Variants in ESR1 observed in about 807,000 individuals in gnomAD.
The protein encoded by ESR1 is estrogen receptor.
In ESR1, 12 loss-of-function variants were observed where a neutral mutation model predicts 52.7. The ratio of observed to expected loss-of-function variants is 0.23; its 90% CI spans 0.15 to 0.37. The LOEUF (loss-of-function observed/expected upper bound fraction) is 0.37, where lower values mean the gene tolerates loss of function less well. ESR1 is among the 10% of genes least tolerant of loss of function. The pLI, the probability that ESR1 is intolerant of heterozygous loss-of-function variation, is 1.00. For synonymous variants in ESR1, 305 were observed against 316.8 expected (o/e 0.96, Z 0.39); for missense variants, 584 against 779.7 (o/e 0.75, Z 2.99).
intron 1 of ESR1, among the ~76,000 whole-genome samples, chr6:151,696,473 A>AATAG (rs1324547954): frequency 8.1e-5 from 1 of 12,306 alleles, no homozygotes; most frequent in East Asian, 7.9e-4. Flanking sequence ...CTCCATCTCA[A>AATAG]ATAAATAAAT....
At chr6:151,666,304 A>G (rs1777820080) in intron 1 of ESR1, among the ~76,000 whole-genome samples, 1 of 152,170 alleles carries the variant, frequency 6.6e-6, no homozygotes, top group Non-Finnish European at 1.5e-5. Flanking sequence ...GTGGAGAGAG[A>G]GAGACACACG....
At chr6:151,827,141 T>C (rs142532457) in intron 1 of ESR1, among the ~76,000 whole-genome samples, 7,232 of 151,980 alleles carry the variant, frequency 0.048, 585 homozygotes, top group African/African-American at 0.16. Context: ...CTGGGCAACA[T>C]GGTGAGACCC....
At chr6:151,966,424 C>T (rs959925058) in intron 4 of ESR1, among the ~76,000 whole-genome samples, 3 of 152,004 alleles carry the variant, frequency 2.0e-5, no homozygotes, top group African/African-American at 7.2e-5. Context: ...TCATTTTATT[C>T]GGGCTCTGTG....
At chr6:152,055,478 GACT>G (rs1262158535) in intron 5 of ESR1, among the ~76,000 whole-genome samples, 2 of 152,170 alleles carry the variant, frequency 1.3e-5, no homozygotes, top group Non-Finnish European at 2.9e-5. Flanking sequence ...TTTGCCATAA[GACT>G]GAGTTACTTT....
At chr6:152,024,660 T>A (rs2043971792) in intron 5 of ESR1, among the ~76,000 whole-genome samples, 1 of 147,832 alleles carries the variant, frequency 6.8e-6, no homozygotes, top group Admixed American at 6.8e-5. Flanking sequence ...TATATAGATA[T>A]ATATGTATAT....
At chr6:151,781,087 C>G (rs1786500304) in intron 2 of ESR1, among the ~76,000 whole-genome samples, 2 of 151,992 alleles carry the variant, frequency 1.3e-5, no homozygotes, top group South Asian at 2.1e-4. Context: ...GTGGAAGAAC[C>G]CTTGAAGATT....
intron 4 of ESR1, among the ~76,000 whole-genome samples, chr6:151,947,777 C>T (rs1422398646): frequency 6.6e-6 from 1 of 152,064 alleles, no homozygotes; most frequent in Non-Finnish European, 1.5e-5. Context: ...TAAAGATGAC[C>T]TTAAGAAATG....
At chr6:151,802,378 A>G (rs1307054385), upstream of ESR1, among the ~76,000 whole-genome samples, 1 of 152,244 alleles carries the variant, frequency 6.6e-6, no homozygotes, top group Non-Finnish European at 1.5e-5. Context: ...GTTTGAACAC[A>G]GACAAACCTT....
At chr6:151,887,128 C>CT (rs1271375364) in intron 3 of ESR1, among the ~76,000 whole-genome samples, 2 of 151,234 alleles carry the variant, frequency 1.3e-5, no homozygotes, top group African/African-American at 2.4e-5. Context: ...ATGTGAATTA[C>CT]TTTTTTTGGA....
At chr6:151,934,187 G>T (rs2034071058) in intron 3 of ESR1, among the ~76,000 whole-genome samples, 1 of 152,110 alleles carries the variant, frequency 6.6e-6, no homozygotes. Context: ...GTCAGTATTT[G>T]TGTGTTGTTC....
At chr6:151,896,113 A>G (rs954807594) in intron 3 of ESR1, among the ~76,000 whole-genome samples, 2 of 152,122 alleles carry the variant, frequency 1.3e-5, no homozygotes, top group African/African-American at 2.4e-5. Flanking sequence ...TTTTGCATCT[A>G]TGTTCATTAG....
At chr6:152,081,165 A>T (rs149271020) in intron 6 of ESR1, among the ~76,000 whole-genome samples, 3,669 of 152,282 alleles carry the variant, frequency 0.024, 71 homozygotes, top group Non-Finnish European at 0.036. Context: ...TAATCAACAG[A>T]ATATACATTC....
At chr6:151,836,366 C>T (rs960483925) in intron 1 of ESR1, among the ~76,000 whole-genome samples, 4 of 152,092 alleles carry the variant, frequency 2.6e-5, no homozygotes, top group East Asian at 1.9e-4. Context: ...AACAAAGTCA[C>T]GTCTTACATG....
intron 6 of ESR1, among the ~76,000 whole-genome samples, chr6:152,077,218 T>C (rs1017396757): frequency 2.1e-5 from 3 of 141,928 alleles, no homozygotes; most frequent in African/African-American, 8.4e-5. Flanking sequence ...GTACCACGGT[T>C]TCAGAGGTTG....
At chr6:152,069,440 A>G (rs535223889) in intron 6 of ESR1, among the ~76,000 whole-genome samples, 1 of 136,724 alleles carries the variant, frequency 7.3e-6, no homozygotes, top group Admixed American at 6.8e-5. Flanking sequence ...TGTTATCTAT[A>G]GAAGTTAGGA....
chr6:151,696,652 G>C (rs1562336274), intron 1 of ESR1, among the ~76,000 whole-genome samples: 1 of 152,058 alleles, frequency 6.6e-6, no homozygotes, highest in Non-Finnish European at 1.5e-5. Flanking sequence ...TTGATCCCTA[G>C]ACAATCTCTA....
At chr6:151,787,178 C>T (rs1787109112) in intron 2 of ESR1, among the ~76,000 whole-genome samples, 1 of 152,140 alleles carries the variant, frequency 6.6e-6, no homozygotes, top group Non-Finnish European at 1.5e-5. Flanking sequence ...TTTCTGGGCT[C>T]TCTATTCTGT....
chr6:151,940,242 C>T (rs946076975), intron 3 of ESR1, among the ~76,000 whole-genome samples: 1 of 152,144 alleles, frequency 6.6e-6, no homozygotes, highest in African/African-American at 2.4e-5. Flanking sequence ...CAGGAAAAAC[C>T]TGCCCCCATG....
At chr6:151,708,540 G>A (rs1379704748) in intron 2 of ESR1, among the ~76,000 whole-genome samples, 1 of 152,114 alleles carries the variant, frequency 6.6e-6, no homozygotes, top group Non-Finnish European at 1.5e-5. Flanking sequence ...AGTCCCACTA[G>A]TGATGTTGGA....
Sources: allele counts gnomAD v4.1 joint callset (sites outside exome capture counted in the v4.1 genomes callset), GRCh38; gene constraint gnomAD v4.1.1; transcripts MANE v1.5; gene names NCBI Gene and HGNC (gene_info 2026-07-23, HGNC 2026-07-21).